TCERG1L: variants seen among roughly 807,000 people sequenced by gnomAD.
The protein encoded by TCERG1L is transcription elongation regulator 1 like.
A neutral mutation model predicts 56.3 loss-of-function variants in TCERG1L; 37 were observed. The observed-to-expected ratio is 0.66, with a 90% confidence interval of 0.51 to 0.87. The LOEUF (loss-of-function observed/expected upper bound fraction) is 0.87. Ranked by LOEUF, TCERG1L falls within the 40% of genes least tolerant of loss-of-function variation. The pLI, the probability that TCERG1L is intolerant of heterozygous loss-of-function variation, is 0.00. For synonymous variants in TCERG1L, 324 were observed against 326.3 expected (o/e 0.99, Z 0.08); for missense variants, 799 against 774.2 (o/e 1.03, Z -0.38).
chr10:131,181,450 G>A (rs191457994), intron 4 of TCERG1L, among the ~76,000 whole-genome samples: 19 of 152,324 alleles, frequency 1.2e-4, no homozygotes, highest in Admixed American at 5.9e-4. Context: ...TACCTTCTCT[G>A]AGATTCAATT....
intron 6 of TCERG1L, chr10:131,162,360 T>C (rs1037018355): frequency 1.2e-4 from 18 of 152,224 alleles, no homozygotes; most frequent in African/African-American, 4.3e-4. Flanking sequence ...TCTGTCCAGA[T>C]TGGAGCCAAG....
At chr10:131,194,166 G>A (rs1845333010) in intron 4 of TCERG1L, among the ~76,000 whole-genome samples, 1 of 152,242 alleles carries the variant, frequency 6.6e-6, no homozygotes, top group Non-Finnish European at 1.5e-5. Flanking sequence ...ATAAAGGTTC[G>A]CTTTGCTTTT....
chr10:131,232,693 T>C (rs1845865309), intron 4 of TCERG1L, among the ~76,000 whole-genome samples: 1 of 152,214 alleles, frequency 6.6e-6, no homozygotes, highest in Non-Finnish European at 1.5e-5. Flanking sequence ...GTATTTGGGA[T>C]TGAGAGCCCT....
chr10:131,311,060 T>G lies in TCERG1L; in HGVS notation c.342+234A>C, dbSNP rs1301436129. On this transcript the variant is annotated intron_variant, in intron 1 of 11. Transcript: ENST00000368642. This position sits in a 1 kb window ranked among gnomAD's most constrained non-coding sequence, Gnocchi z 4.0. Reference sequence around the variant, plus strand: ...CCTGGGCGGCGGGTCCCTCCACGGCTCCGTCCAGACACCCGGAGGCACCTG... The same window carrying G: ...CCTGGGCGGCGGGTCCCTCCACGGCGCCGTCCAGACACCCGGAGGCACCTG... Among the ~76,000 whole-genome samples the G allele has an allele frequency of 6.6e-6, 1 of 151,896 alleles. No individual in the cohort carries two copies. Among genetic ancestry groups the G allele is most frequent in the African/African-American group, 2.4e-5 (1 of 41,338 alleles).
chr10:131,167,224 G>A (rs1846040353), intron 4 of TCERG1L, among the ~76,000 whole-genome samples: 1 of 152,196 alleles, frequency 6.6e-6, no homozygotes, highest in South Asian at 2.1e-4. Context: ...TCTTGGACAA[G>A]CAGGAAACAA....
At chr10:131,109,874 CAGA>C in intron 9 of TCERG1L, among the ~76,000 whole-genome samples, 1 of 152,216 alleles carries the variant, frequency 6.6e-6, no homozygotes, top group Non-Finnish European at 1.5e-5. Flanking sequence ...ACGCAGGCGC[CAGA>C]AGGAGCTGCA....
At chr10:131,300,433 C>T (rs973426008) in intron 3 of TCERG1L, among the ~76,000 whole-genome samples, 5 of 152,150 alleles carry the variant, frequency 3.3e-5, no homozygotes, top group African/African-American at 1.2e-4. Context: ...TTTTCAGTTG[C>T]TTTCTCGTTT....
At chr10:131,222,120 T>A (rs1254153105) in intron 4 of TCERG1L, among the ~76,000 whole-genome samples, 2 of 152,226 alleles carry the variant, frequency 1.3e-5, no homozygotes, top group Non-Finnish European at 2.9e-5. Context: ...AGTAACATAT[T>A]ACACCATAAA....
chr10:131,292,245 C>T (rs967999529), intron 3 of TCERG1L, among the ~76,000 whole-genome samples: 24 of 152,162 alleles, frequency 1.6e-4, no homozygotes, highest in Admixed American at 5.9e-4. Flanking sequence ...CTTTAGTTTT[C>T]TGACTTTTTA....
intron 3 of TCERG1L, among the ~76,000 whole-genome samples, chr10:131,282,965 T>A (rs148148473): frequency 6.6e-6 from 1 of 152,364 alleles, no homozygotes; most frequent in African/African-American, 2.4e-5. Context: ...GTTCAGGTGA[T>A]ATCTGTAATT....
chr10:131,249,715 G>T (rs570536419), intron 4 of TCERG1L, among the ~76,000 whole-genome samples: 1 of 152,210 alleles, frequency 6.6e-6, no homozygotes, highest in African/African-American at 2.4e-5. Flanking sequence ...CCCGCTCCTG[G>T]TTCTACCTGG....
intron 3 of TCERG1L, among the ~76,000 whole-genome samples, chr10:131,282,702 T>G (rs916391334): frequency 2.0e-5 from 3 of 152,222 alleles, no homozygotes; most frequent in Admixed American, 1.3e-4. Context: ...TCTGTGATAT[T>G]GATAATTGAT....
chr10:131,281,185 C>T (rs1327627634), intron 3 of TCERG1L, among the ~76,000 whole-genome samples: 1 of 152,176 alleles, frequency 6.6e-6, no homozygotes, highest in African/African-American at 2.4e-5. Flanking sequence ...TACAATACCA[C>T]GCTCTGCATT....
chr10:131,117,169 C>T (rs532041360), intron 8 of TCERG1L, among the ~76,000 whole-genome samples: 4 of 152,144 alleles, frequency 2.6e-5, no homozygotes, highest in African/African-American at 7.2e-5. Flanking sequence ...GCCCCGGGCC[C>T]GGCTGTGAGA....
chr10:131,232,358 C>T (rs755412931), intron 4 of TCERG1L, among the ~76,000 whole-genome samples: 3 of 152,188 alleles, frequency 2.0e-5, no homozygotes, highest in East Asian at 1.9e-4. Context: ...TGGCACACGC[C>T]GGGGCACTCC....
chr10:131,118,521 T>C lies in TCERG1L; in HGVS notation c.1260-1587A>G, dbSNP rs1385920550. ...CCTGCTAAACTGATTAGCCATAGTC[T>C]TCCCTACCCTTCCCTTAATCTGCTC... On this transcript the variant is annotated intron_variant, in intron 8 of 11. Coordinates refer to ENST00000368642, the MANE Select transcript of TCERG1L (RefSeq NM_174937.4). This position sits in a 1 kb window ranked among gnomAD's most constrained non-coding sequence, Gnocchi z 4.2. 6.6e-6 allele frequency among the ~76,000 whole-genome samples: 1 copy of C among 152,128 alleles called. No individual in the cohort carries two copies. The highest frequency in any genetic ancestry group is 2.4e-5 in the African/African-American group (1 of 41,416).
chr10:131,180,143 G>A (rs1845155446), intron 4 of TCERG1L, among the ~76,000 whole-genome samples: 1 of 152,180 alleles, frequency 6.6e-6, no homozygotes. Context: ...GCTAGGGGAT[G>A]GTGACATTGA....
chr10:131,258,023 C>A (rs1340103326), intron 4 of TCERG1L, among the ~76,000 whole-genome samples: 1 of 152,220 alleles, frequency 6.6e-6, no homozygotes, highest in Non-Finnish European at 1.5e-5. Context: ...TCTTCTGAGT[C>A]CATCAGCACC....
At chr10:131,150,636 C>A (rs1411291127) in intron 6 of TCERG1L, among the ~76,000 whole-genome samples, 2 of 152,192 alleles carry the variant, frequency 1.3e-5, no homozygotes, top group Non-Finnish European at 2.9e-5. Context: ...TGACCCATTT[C>A]CTGGCAGGGA....
Sources: gnomAD v4.1 joint callset for allele counts (sites outside exome capture counted in the v4.1 genomes callset) on GRCh38, gnomAD v4.1.1 for gene constraint, Gnocchi (gnomAD v3.1) non-coding constraint, MANE v1.5 for transcripts, NCBI Gene and HGNC (gene_info 2026-07-23, HGNC 2026-07-21) for gene names.